Variants in ARID1B observed in about 807,000 individuals in gnomAD.
ARID1B encodes AT-rich interaction domain 1B.
ARID1B carries 30 observed loss-of-function variants against 212.3 expected under a neutral mutation model. The observed-to-expected ratio is 0.14, with a 90% CI of 0.11 to 0.19. The LOEUF (loss-of-function observed/expected upper bound fraction) is 0.19, where lower values mean the gene tolerates loss of function less well. Among genes scored for constraint, ARID1B ranks in the 10% least tolerant of loss-of-function variants. ARID1B has a pLI of 1.00. For synonymous variants in ARID1B, 1,402 were observed against 1,301.7 expected, an observed-to-expected ratio of 1.08 and a Z score of -1.66; for missense variants, 2,891 against 3,204.0, an observed-to-expected ratio of 0.90 and a Z score of 2.36.
intron 1 of ARID1B, among the ~76,000 whole-genome samples, chr6:156,821,997 C>T (rs1469521381): frequency 6.6e-6 from 1 of 152,040 alleles, no homozygotes; most frequent in African/African-American, 2.4e-5. Context: ...ACCTTTTCTG[C>T]CTTGTCTAAT....
At chr6:156,906,986 C>A (rs1387654298) in intron 3 of ARID1B, among the ~76,000 whole-genome samples, 2 of 152,118 alleles carry the variant, frequency 1.3e-5, no homozygotes, top group Non-Finnish European at 2.9e-5. Flanking sequence ...GTGTGTCCAG[C>A]CACCTTTTAA....
intron 4 of ARID1B, chr6:156,938,882 A>G (rs1204894030): frequency 6.6e-6 from 1 of 152,228 alleles, no homozygotes; most frequent in East Asian, 1.9e-4. Flanking sequence ...TCAGTAGGCA[A>G]TGCAGTTATG....
chr6:157,053,996 G>A (rs568573716), intron 4 of ARID1B, among the ~76,000 whole-genome samples: 2 of 152,066 alleles, frequency 1.3e-5, no homozygotes, highest in South Asian at 2.1e-4. Context: ...AGGCTGAGAT[G>A]GGTGGATCAC....
intron 4 of ARID1B, among the ~76,000 whole-genome samples, chr6:157,075,166 A>G (rs1478505454): frequency 6.6e-6 from 1 of 152,256 alleles, no homozygotes; most frequent in Non-Finnish European, 1.5e-5. Flanking sequence ...ATGAAAACTC[A>G]TTTTGGAAAC....
chr6:156,896,795 C>T (rs1788436114), intron 2 of ARID1B, among the ~76,000 whole-genome samples: 1 of 152,110 alleles, frequency 6.6e-6, no homozygotes, highest in African/African-American at 2.4e-5. Flanking sequence ...AGGAGAATCA[C>T]TTGAACCTGG....
intron 2 of ARID1B, among the ~76,000 whole-genome samples, chr6:156,868,335 G>A (rs1785863485): frequency 6.6e-6 from 1 of 152,152 alleles, no homozygotes; most frequent in South Asian, 2.1e-4. Flanking sequence ...AAATATTAAG[G>A]ATTTAAACCT....
intron 3 of ARID1B, among the ~76,000 whole-genome samples, chr6:156,926,139 A>G (rs1791199912): frequency 6.6e-6 from 1 of 152,214 alleles, no homozygotes; most frequent in African/African-American, 2.4e-5. Flanking sequence ...GGGTTAAGAT[A>G]AAGTCAGAGT....
chr6:156,988,205 G>A (rs2066160046), intron 4 of ARID1B, among the ~76,000 whole-genome samples: 1 of 152,172 alleles, frequency 6.6e-6, no homozygotes, highest in South Asian at 2.1e-4. Flanking sequence ...AGGGTGAGAA[G>A]GGAGTTTAAG....
rs1156297111 is a variant in ARID1B at position 156,779,321 on chromosome 6, G to A, written c.1641G>A (p.Ala547=). ...AGGCGGCGGCGGCGGGGGCGGCGGC[G>A]GGCGGCCAGCAGGCGGCCGCGGGCA... ...QSQAAAAGAA[A]GGQQAAAGMG... Residue 547 remains alanine (A), a synonymous_variant, in exon 1 of 20, where the codon GCG becomes GCA. Transcript: ENST00000636930. The A allele has an allele frequency of 1.8e-6, 2 of 1,139,636 alleles. No individual in the cohort carries two copies. The highest frequency in any genetic ancestry group is 4.2e-5 in the East Asian group (1 of 23,680). The allele number at this position is 1,139,636 out of a possible 1,614,324, so 70.6% of individuals were successfully genotyped here. A position where few individuals can be genotyped will look rare whatever the true frequency, so the allele number is the denominator to read the frequency against.
intron 2 of ARID1B, among the ~76,000 whole-genome samples, chr6:156,880,841 T>G (rs576928974): frequency 2.6e-5 from 4 of 151,928 alleles, no homozygotes; most frequent in Admixed American, 2.0e-4. Flanking sequence ...TTAAAAATCC[T>G]TGTTAGTTTT....
At chr6:157,137,102 G>A (rs1788976473) in intron 7 of ARID1B, among the ~76,000 whole-genome samples, 1 of 151,882 alleles carries the variant, frequency 6.6e-6, no homozygotes, top group Non-Finnish European at 1.5e-5. Context: ...GATCACTTGA[G>A]CCCAGGAGGT....
chr6:157,192,071 G>A (rs912248369), intron 15 of ARID1B, among the ~76,000 whole-genome samples: 5 of 152,118 alleles, frequency 3.3e-5, no homozygotes, highest in Non-Finnish European at 7.4e-5. Flanking sequence ...TCTTTCAAAA[G>A]TTTCAGGGCT....
chr6:156,935,161 A>C (rs1792092329), intron 3 of ARID1B, among the ~76,000 whole-genome samples: 1 of 151,516 alleles, frequency 6.6e-6, no homozygotes, highest in South Asian at 2.1e-4. Flanking sequence ...CGGTGCAGTC[A>C]AAGTTCACTG....
chr6:157,137,491 A>G (rs1164422820), intron 7 of ARID1B, among the ~76,000 whole-genome samples: 1 of 152,218 alleles, frequency 6.6e-6, no homozygotes, highest in Non-Finnish European at 1.5e-5. Context: ...GAGAGCTAAA[A>G]TCAATTTCAT....
intron 19 of ARID1B, chr6:157,204,637 C>T (rs1411818996): frequency 6.6e-6 from 1 of 152,182 alleles, no homozygotes. Flanking sequence ...AAGCCTACTA[C>T]TTTTAATGAG....
rs1353718543 is a variant in ARID1B at position 157,201,028 on chromosome 6, G to A, written c.4803G>A (p.Arg1601=). The A allele has an allele frequency of 6.2e-7, 1 of 1,613,862 alleles. No homozygotes were observed. Among genetic ancestry groups the A allele is most frequent in the Non-Finnish European group, 8.5e-7 (1 of 1,179,816 alleles). The change falls in exon 18 of 20, where the codon AGG becomes AGA. Residue 1601 remains arginine (R), a synonymous_variant. Coordinates refer to ENST00000636930, the MANE Select transcript of ARID1B (RefSeq NM_001374828.1). The surrounding 1 kb of genome is among the most constrained non-coding windows in gnomAD (Gnocchi z 5.2). ...ATATGCCTTATCCCTACCAGAACAG[G>A]CAGGGCCCTGGCGGCCCTACACAGG... The part of the protein sequence containing the change: ...RNDMPYPYQN[R]QGPGGPTQAP...
intron 4 of ARID1B, among the ~76,000 whole-genome samples, chr6:157,037,061 A>G (rs1781378824): frequency 6.6e-6 from 1 of 152,158 alleles, no homozygotes; most frequent in Admixed American, 6.5e-5. Flanking sequence ...TATTTTCATT[A>G]CCTTCTTTGT....
At chr6:156,791,332 C>T (rs765854790) in intron 1 of ARID1B, among the ~76,000 whole-genome samples, 1 of 152,196 alleles carries the variant, frequency 6.6e-6, no homozygotes, top group Non-Finnish European at 1.5e-5. Context: ...AACTTTCACA[C>T]ATGAAATAAA....
At chr6:156,859,203 T>G (rs567706848) in intron 2 of ARID1B, among the ~76,000 whole-genome samples, 5 of 152,226 alleles carry the variant, frequency 3.3e-5, no homozygotes, top group Admixed American at 2.0e-4. Context: ...AACCTCCGCC[T>G]CCCGGGTTCA....
Sources: gnomAD v4.1 joint callset for allele counts (sites outside exome capture counted in the v4.1 genomes callset) on GRCh38, gnomAD v4.1.1 for gene constraint, Gnocchi (gnomAD v3.1) non-coding constraint, MANE v1.5 for transcripts, NCBI Gene and HGNC (gene_info 2026-07-23, HGNC 2026-07-21) for gene names.